The following FOXN3 variants were observed in gnomAD, a reference collection of about 807,000 sequenced individuals.
FOXN3 encodes forkhead box protein N3.
A neutral mutation model predicts 38.4 loss-of-function variants in FOXN3; 7 were observed. That is an observed-to-expected ratio of 0.18 (90% CI 0.10 to 0.34). The LOEUF (loss-of-function observed/expected upper bound fraction) is 0.34, where lower values mean the gene tolerates loss of function less well. Among genes scored for constraint, FOXN3 ranks in the 10% least tolerant of loss-of-function variants. FOXN3 has a pLI of 1.00. For synonymous variants in FOXN3, 230 were observed against 242.2 expected, an observed-to-expected ratio of 0.95 and a Z score of 0.47; for missense variants, 456 against 613.4, an observed-to-expected ratio of 0.74 and a Z score of 2.71.
intron 3 of FOXN3, among the ~76,000 whole-genome samples, chr14:89,317,125 C>T (rs1409641597): frequency 6.6e-6 from 1 of 152,036 alleles, no homozygotes; most frequent in Non-Finnish European, 1.5e-5. Flanking sequence ...TAGTGGGTAC[C>T]TAATGCAAAA....
At chr14:89,315,169 C>T (rs1887683550) in intron 3 of FOXN3, among the ~76,000 whole-genome samples, 1 of 152,018 alleles carries the variant, frequency 6.6e-6, no homozygotes, top group South Asian at 2.1e-4. Context: ...CATTCTAGGG[C>T]ACAAAGACCA....
In FOXN3 at chr14:89,558,170, G is replaced by A. The variant is rs548758065; in HGVS notation, c.-15+60858C>T. 2.0e-5 allele frequency among the ~76,000 whole-genome samples: 3 copies of A among 152,286 alleles called. No homozygotes were observed. The East Asian group carries it at 5.8e-4, about 29-fold the overall frequency. On this transcript the variant is annotated intron_variant, in intron 1 of 6. Coordinates refer to the FOXN3 transcript ENST00000345097. ...GTGTACTTACTGATGGGGCACTGAG[G>A]ATGGGTTTTAAAGACTCATTTGTAC...
chr14:89,327,959 T>G (rs1262804450), intron 3 of FOXN3, among the ~76,000 whole-genome samples: 2 of 152,178 alleles, frequency 1.3e-5, no homozygotes, highest in East Asian at 3.9e-4. Flanking sequence ...TCAGGGCCAG[T>G]GTCAACACTA....
intron 1 of FOXN3, among the ~76,000 whole-genome samples, chr14:89,541,592 T>C (rs1375606470): frequency 1.3e-5 from 2 of 152,196 alleles, no homozygotes; most frequent in East Asian, 1.9e-4. Context: ...ACTATAAAAA[T>C]GGGCAGCCAG....
chr14:89,291,440 A>G, intron 3 of FOXN3: 1 of 610,680 alleles, frequency 1.6e-6, no homozygotes, highest in Non-Finnish European at 3.2e-6. Context: ...GCTGTTCATC[A>G]GCTTATCAAA....
At chr14:89,437,206 T>C (rs994974871) in intron 1 of FOXN3, among the ~76,000 whole-genome samples, 2 of 151,684 alleles carry the variant, frequency 1.3e-5, no homozygotes, top group African/African-American at 4.8e-5. Flanking sequence ...AAAAACAGTA[T>C]GGCTTAATGT....
At chr14:89,441,926 T>A (rs865841279) in intron 1 of FOXN3, among the ~76,000 whole-genome samples, 18 of 143,766 alleles carry the variant, frequency 1.3e-4, no homozygotes, top group South Asian at 2.4e-4. Flanking sequence ...GGCTGACTTT[T>A]TTTTTTTTTT....
intron 4 of FOXN3, among the ~76,000 whole-genome samples, chr14:89,210,447 T>A (rs537691702): frequency 6.6e-6 from 1 of 152,228 alleles, no homozygotes; most frequent in Non-Finnish European, 1.5e-5. Context: ...CTTTTCTTTA[T>A]AAATTACCCA....
intron 1 of FOXN3, among the ~76,000 whole-genome samples, chr14:89,536,411 C>G (rs576077972): frequency 6.6e-6 from 1 of 152,238 alleles, no homozygotes; most frequent in Admixed American, 6.5e-5. Flanking sequence ...TAAATGCAAC[C>G]CAAAGAAACC....
chr14:89,343,454 C>A (rs1424665042), intron 3 of FOXN3, among the ~76,000 whole-genome samples: 1 of 149,046 alleles, frequency 6.7e-6, no homozygotes, highest in African/African-American at 2.5e-5. Context: ...AATTTCTATA[C>A]CCTTAGCAGT....
intron 4 of FOXN3, among the ~76,000 whole-genome samples, chr14:89,256,456 G>A (rs996810406): frequency 2.0e-5 from 3 of 152,156 alleles, no homozygotes; most frequent in Non-Finnish European, 4.4e-5. Context: ...AAACAGGCTG[G>A]GTGGACGTCT....
chr14:89,244,222 C>A (rs890304046), intron 4 of FOXN3, among the ~76,000 whole-genome samples: 15 of 152,212 alleles, frequency 9.9e-5, no homozygotes, highest in Non-Finnish European at 1.9e-4. Flanking sequence ...GACATACATA[C>A]ATGATATTGG....
At chr14:89,322,459 CT>C (rs1159666877) in intron 3 of FOXN3, among the ~76,000 whole-genome samples, 1 of 152,102 alleles carries the variant, frequency 6.6e-6, no homozygotes, top group African/African-American at 2.4e-5. Flanking sequence ...GAAGAGATGC[CT>C]TTAAAGTGTA....
At chr14:89,411,549 G>C (rs1353110012) in intron 2 of FOXN3, among the ~76,000 whole-genome samples, 1 of 152,170 alleles carries the variant, frequency 6.6e-6, no homozygotes, top group Non-Finnish European at 1.5e-5. Flanking sequence ...CTAGCCCATG[G>C]TGGCAGTGTA....
intron 1 of FOXN3, among the ~76,000 whole-genome samples, chr14:89,434,737 C>T (rs945526573): frequency 1.3e-5 from 2 of 152,162 alleles, no homozygotes; most frequent in Non-Finnish European, 2.9e-5. Context: ...CCAAATAAAC[C>T]TTCTTTGAAT....
At chr14:89,293,474 C>T (rs150188345) in intron 3 of FOXN3, among the ~76,000 whole-genome samples, 2,409 of 152,286 alleles carry the variant, frequency 0.016, 25 homozygotes, top group South Asian at 0.04. Flanking sequence ...TGGCCTCCCT[C>T]GCAGCTGCTG....
chr14:89,477,836 T>C (rs1893242139), intron 1 of FOXN3, among the ~76,000 whole-genome samples: 1 of 152,044 alleles, frequency 6.6e-6, no homozygotes, highest in African/African-American at 2.4e-5. Flanking sequence ...CAATTTTTTA[T>C]GGCAATCGTG....
intron 3 of FOXN3, among the ~76,000 whole-genome samples, chr14:89,340,797 A>C (rs891355147): frequency 1.3e-5 from 2 of 152,080 alleles, no homozygotes; most frequent in Non-Finnish European, 2.9e-5. Context: ...CACGGAAGGA[A>C]ATGCAAAGAA....
At chr14:89,440,897 AT>A (rs1892369856) in intron 1 of FOXN3, among the ~76,000 whole-genome samples, 1 of 152,122 alleles carries the variant, frequency 6.6e-6, no homozygotes, top group Non-Finnish European at 1.5e-5. Flanking sequence ...CTTTTCTTTG[AT>A]GTTATTTATG....
Sources: gnomAD v4.1 joint callset for allele counts (sites outside exome capture counted in the v4.1 genomes callset) on GRCh38, gnomAD v4.1.1 for gene constraint, MANE v1.5 for transcripts, NCBI Gene and HGNC (gene_info 2026-07-23, HGNC 2026-07-21) for gene names.